The following STK3 variants were observed in gnomAD, a reference collection of about 807,000 sequenced individuals.
The protein encoded by STK3 is serine/threonine kinase 3.
STK3 carries 41 observed loss-of-function variants against 58.0 expected under a neutral mutation model. That is an observed-to-expected ratio of 0.71 (90% CI 0.55 to 0.92). The LOEUF (loss-of-function observed/expected upper bound fraction) is 0.92, where lower values mean the gene tolerates loss of function less well. Among genes scored for constraint, STK3 ranks in the 40% least tolerant of loss-of-function variants. The pLI, the probability that STK3 is intolerant of heterozygous loss-of-function variation, is 0.00. For missense variants in STK3, 479 were observed against 602.7 expected (o/e 0.79, Z 2.15); for synonymous variants, 170 against 191.0 (o/e 0.89, Z 0.91).
chr8:98,697,911 A>G (rs200214894), intron 6 of STK3, among the ~76,000 whole-genome samples: 3 of 152,070 alleles, frequency 2.0e-5, no homozygotes, highest in Non-Finnish European at 2.9e-5. Context: ...CAATTCCTGG[A>G]TATCCTTGCT....
chr8:98,514,408 CTG>C (rs1824764952), intron 10 of STK3, among the ~76,000 whole-genome samples: 1 of 152,044 alleles, frequency 6.6e-6, no homozygotes, highest in Non-Finnish European at 1.5e-5. Flanking sequence ...TGAGTTGTAA[CTG>C]TTTAAAAGTT....
chr8:98,411,503 G>C (rs911956385), intron 3 of STK3, among the ~76,000 whole-genome samples: 3 of 152,196 alleles, frequency 2.0e-5, no homozygotes, highest in African/African-American at 7.2e-5. Context: ...ATTTAAGGCG[G>C]TGGGGTCTGG....
chr8:98,723,107 C>T lies in STK3; in HGVS notation c.352-15796G>A. On this transcript the variant is annotated intron_variant, in intron 4 of 10. Transcript: ENST00000419617. ...ATTTCATTTCATTTAGGTCACTATACAAATGGTGCGATGTCATTTTTAAAT... is the reference window on the plus strand; with the variant it reads ...ATTTCATTTCATTTAGGTCACTATATAAATGGTGCGATGTCATTTTTAAAT... The T allele has an allele frequency of 3.5e-5, 8 of 226,298 alleles. 1 individual carries two copies. In the South Asian group the frequency reaches 4.1e-4, roughly 11 times the overall value. 14.0% of individuals were successfully genotyped at this position (226,298 alleles called of 1,614,324 possible).
downstream of STK3, among the ~76,000 whole-genome samples, chr8:98,368,472 G>T (rs1156985132): frequency 6.6e-6 from 1 of 152,082 alleles, no homozygotes; most frequent in African/African-American, 2.4e-5. Flanking sequence ...ATCATAAAGG[G>T]GCCCCCGTTC....
downstream of STK3, chr8:98,882,070 T>C (rs1054066515): frequency 6.6e-6 from 1 of 152,174 alleles, no homozygotes; most frequent in Non-Finnish European, 1.5e-5. Context: ...GATGATTTGA[T>C]AATCAATTCT....
chr8:98,504,991 A>T (rs551127592), intron 10 of STK3, among the ~76,000 whole-genome samples: 3 of 152,184 alleles, frequency 2.0e-5, no homozygotes, highest in African/African-American at 7.2e-5. Context: ...GTGTTTTCCA[A>T]TTTGGTTCCA....
intron 3 of STK3, among the ~76,000 whole-genome samples, chr8:98,864,940 C>T (rs1204891385): frequency 6.6e-6 from 1 of 152,196 alleles, no homozygotes; most frequent in East Asian, 1.9e-4. Context: ...AAGCAATCTC[C>T]TTTCTCTTTA....
At chr8:98,863,250 G>C (rs1412634158) in intron 3 of STK3, among the ~76,000 whole-genome samples, 1 of 152,162 alleles carries the variant, frequency 6.6e-6, no homozygotes, top group Non-Finnish European at 1.5e-5. Context: ...TCATTGATAA[G>C]AGCAGCATTT....
chr8:98,808,161 A>C (rs1564021225), intron 1 of STK3, among the ~76,000 whole-genome samples: 1 of 152,264 alleles, frequency 6.6e-6, no homozygotes. Flanking sequence ...TACATAAGGC[A>C]GCACCTCTTC....
At chr8:98,704,236 G>A (rs181676124) in intron 6 of STK3, among the ~76,000 whole-genome samples, 36 of 152,202 alleles carry the variant, frequency 2.4e-4, no homozygotes, top group Non-Finnish European at 5.1e-4. Context: ...AAAACAAAAG[G>A]CAGTACTTGT....
At chr8:98,940,249 G>A (rs1395025085) in intron 1 of STK3, among the ~76,000 whole-genome samples, 2 of 152,236 alleles carry the variant, frequency 1.3e-5, no homozygotes, top group East Asian at 3.9e-4. Context: ...ACGCTCCAGG[G>A]TCGCGGAGGC....
intron 4 of STK3, among the ~76,000 whole-genome samples, chr8:98,712,839 C>T (rs1010201691): frequency 1.3e-5 from 2 of 152,146 alleles, no homozygotes; most frequent in African/African-American, 4.8e-5. Flanking sequence ...ACATTCTTTT[C>T]AGCACCACAC....
intron 3 of STK3, among the ~76,000 whole-genome samples, chr8:98,402,077 C>T (rs1331086338): frequency 6.6e-6 from 1 of 152,192 alleles, no homozygotes; most frequent in African/African-American, 2.4e-5. Context: ...CCTTGCTGTT[C>T]TATACTTCCC....
chr8:98,587,268 A>T (rs1265774362), intron 7 of STK3, among the ~76,000 whole-genome samples: 21 of 151,984 alleles, frequency 1.4e-4, no homozygotes, highest in Admixed American at 7.9e-4. Flanking sequence ...CACTGCTTTG[A>T]ATGCGTCCCA....
At chr8:98,680,487 CACCCAATGCCAGTCTCT>C (rs1823551037) in intron 6 of STK3, among the ~76,000 whole-genome samples, 1 of 152,170 alleles carries the variant, frequency 6.6e-6, no homozygotes, top group African/African-American at 2.4e-5. Flanking sequence ...TATAAGAACA[CACCCAATGCCAGTCTCT>C]ACCACACCGC....
At chr8:98,545,874 A>G (rs1330593548) in intron 9 of STK3, among the ~76,000 whole-genome samples, 1 of 152,182 alleles carries the variant, frequency 6.6e-6, no homozygotes, top group African/African-American at 2.4e-5. Flanking sequence ...CGAGAAAAAC[A>G]AAACTACAAT....
intron 7 of STK3, among the ~76,000 whole-genome samples, chr8:98,589,586 C>G (rs903963289): frequency 6.6e-6 from 1 of 152,238 alleles, no homozygotes; most frequent in African/African-American, 2.4e-5. Flanking sequence ...GTGGAGCCTA[C>G]AGATGCAGGC....
intron 3 of STK3, among the ~76,000 whole-genome samples, chr8:98,766,316 G>A (rs1830944723): frequency 6.6e-6 from 1 of 152,158 alleles, no homozygotes; most frequent in Non-Finnish European, 1.5e-5. Context: ...GTCAACTGGG[G>A]ATGCTCAGTG....
At chr8:98,791,159 C>T (rs567755861) in intron 1 of STK3, among the ~76,000 whole-genome samples, 1 of 152,114 alleles carries the variant, frequency 6.6e-6, no homozygotes, top group Non-Finnish European at 1.5e-5. Context: ...ATCAGTATCT[C>T]TTCTATACAC....
Sources: gnomAD v4.1 joint callset for allele counts (sites outside exome capture counted in the v4.1 genomes callset) on GRCh38, gnomAD v4.1.1 for gene constraint, MANE v1.5 for transcripts, NCBI Gene and HGNC (gene_info 2026-07-23, HGNC 2026-07-21) for gene names.